The following ASAP1 variants were observed in gnomAD, a reference collection of about 807,000 sequenced individuals.
ASAP1 encodes ArfGAP with SH3 domain, ankyrin repeat and PH domain 1.
In ASAP1, 43 loss-of-function variants were observed where a neutral mutation model predicts 145.2. The ratio of observed to expected loss-of-function variants is 0.30; its 90% CI spans 0.23 to 0.38. The LOEUF is 0.38. Among genes scored for constraint, ASAP1 ranks in the 10% least tolerant of loss-of-function variants. The pLI, the probability that ASAP1 is intolerant of heterozygous loss-of-function variation, is 1.00. For synonymous variants in ASAP1, 546 were observed against 515.5 expected (o/e 1.06, Z -0.80); for missense variants, 1,018 against 1,355.3 (o/e 0.75, Z 3.91).
intron 3 of ASAP1, among the ~76,000 whole-genome samples, chr8:130,259,863 G>C (rs993693395): frequency 1.3e-5 from 2 of 152,158 alleles, no homozygotes; most frequent in Admixed American, 1.3e-4. Flanking sequence ...TGTGGATAAT[G>C]CTCATGAGGA....
chr8:130,096,473 T>G (rs937699256), intron 24 of ASAP1, among the ~76,000 whole-genome samples: 1 of 152,166 alleles, frequency 6.6e-6, no homozygotes, highest in Non-Finnish European at 1.5e-5. Context: ...CAGAGGCCTG[T>G]GGAAGTAACA....
intron 2 of ASAP1, among the ~76,000 whole-genome samples, chr8:130,371,390 G>A (rs1477505405): frequency 6.6e-6 from 1 of 152,132 alleles, no homozygotes; most frequent in African/African-American, 2.4e-5. Context: ...TGATGTGGCA[G>A]GACTACCAGT....
chr8:130,376,903 C>CA (rs34006260), intron 2 of ASAP1, among the ~76,000 whole-genome samples: 2,884 of 25,990 alleles, frequency 0.11, 937 homozygotes, highest in South Asian at 0.22. Flanking sequence ...AACTCCATCT[C>CA]AAAAAAAAAA....
intron 13 of ASAP1, among the ~76,000 whole-genome samples, chr8:130,138,370 G>A (rs6991382): frequency 0.017 from 2,568 of 152,196 alleles, 78 homozygotes; most frequent in African/African-American, 0.058. Context: ...GAGACCCCAG[G>A]GGATTCCATG....
At chr8:130,074,233 T>C (rs1282672942) in intron 27 of ASAP1, among the ~76,000 whole-genome samples, 1 of 152,086 alleles carries the variant, frequency 6.6e-6, no homozygotes, top group Non-Finnish European at 1.5e-5. Flanking sequence ...GTAATAGAAT[T>C]GCGTATGTAT....
At chr8:130,394,412 C>T (rs1252759425) in intron 2 of ASAP1, among the ~76,000 whole-genome samples, 3 of 152,090 alleles carry the variant, frequency 2.0e-5, no homozygotes, top group Non-Finnish European at 2.9e-5. Flanking sequence ...AGGAAATTCC[C>T]GCCTAATAAA....
At chr8:130,269,808 A>G (rs1318159236) in intron 3 of ASAP1, among the ~76,000 whole-genome samples, 2 of 152,210 alleles carry the variant, frequency 1.3e-5, no homozygotes, top group Non-Finnish European at 2.9e-5. Flanking sequence ...TGGTACCTGC[A>G]TTAGATAAAT....
chr8:130,072,824 T>TGTGTGTGTGTGTGTGTGCGTGCGC, intron 27 of ASAP1, among the ~76,000 whole-genome samples: 3 of 32,282 alleles, frequency 9.3e-5, no homozygotes, highest in Non-Finnish European at 1.7e-4. Flanking sequence ...TGTGTGTGTG[T>TGTGTGTGTGTGTGTGTGCGTGCGC]GCGCGCGGGG....
chr8:130,091,166 C>CA (rs370293242), intron 25 of ASAP1, among the ~76,000 whole-genome samples: 68 of 152,316 alleles, frequency 4.5e-4, no homozygotes, highest in African/African-American at 1.5e-3. Flanking sequence ...CCTGAATATT[C>CA]ACTGTATGCC....
In ASAP1 at chr8:130,228,768, T is replaced by C. The variant is rs545960296; in HGVS notation, c.259+8154A>G. 4.0e-5 allele frequency among the ~76,000 whole-genome samples: 6 copies of C among 149,294 alleles called. No individual in the cohort carries two copies. The East Asian group carries it at 1.2e-3, about 29-fold the overall frequency. On this transcript the variant is annotated intron_variant, in intron 4 of 29. Transcript: ENST00000518721. The stretch of plus-strand genomic sequence containing the variant: ...ACAAAAAAACCTTTAACTTGAAAAA[T>C]ATATAAACAATGGGAAAAAACCTTT...
chr8:130,151,298 G>A (rs2097645667), intron 13 of ASAP1, among the ~76,000 whole-genome samples: 1 of 140,580 alleles, frequency 7.1e-6, no homozygotes. Context: ...TTGAACCTGG[G>A]AGATGGAGGT....
chr8:130,421,023 C>T (rs7460858), intron 1 of ASAP1, among the ~76,000 whole-genome samples: 2,808 of 152,216 alleles, frequency 0.018, 135 homozygotes, highest in Admixed American at 0.11. Flanking sequence ...ACAGTATAGC[C>T]ACTAAGCAGG....
chr8:130,299,500 TC>T (rs1822492123), intron 3 of ASAP1, among the ~76,000 whole-genome samples: 1 of 152,162 alleles, frequency 6.6e-6, no homozygotes, highest in African/African-American at 2.4e-5. Context: ...CTCATCCTCA[TC>T]CCCTTTTTAA....
chr8:130,213,662 G>T (rs1285881796), intron 5 of ASAP1, among the ~76,000 whole-genome samples: 1 of 152,200 alleles, frequency 6.6e-6, no homozygotes, highest in Non-Finnish European at 1.5e-5. Context: ...GGAAAAGCAT[G>T]ATATAAATAG....
chr8:130,370,838 T>G (rs1189705000), intron 2 of ASAP1, among the ~76,000 whole-genome samples: 1 of 152,226 alleles, frequency 6.6e-6, no homozygotes, highest in Non-Finnish European at 1.5e-5. Flanking sequence ...AGGTCCAGAC[T>G]AGGCAAATCT....
intron 2 of ASAP1, among the ~76,000 whole-genome samples, chr8:130,362,127 A>G (rs1826745181): frequency 6.6e-6 from 1 of 152,154 alleles, no homozygotes; most frequent in African/African-American, 2.4e-5. Flanking sequence ...ACTTGCCATC[A>G]GGGAATTGGC....
chr8:130,314,839 G>A (rs1318805889), intron 3 of ASAP1, among the ~76,000 whole-genome samples: 4 of 152,314 alleles, frequency 2.6e-5, no homozygotes, highest in Admixed American at 6.5e-5. Flanking sequence ...ACAGCAGACT[G>A]ACCACTTTAA....
intron 25 of ASAP1, chr8:130,083,259 G>A (rs1006465690): frequency 3.3e-5 from 5 of 152,186 alleles, no homozygotes; most frequent in Non-Finnish European, 5.9e-5. Flanking sequence ...TCCAAAGATG[G>A]TGTGAGTTTT....
intron 4 of ASAP1, among the ~76,000 whole-genome samples, chr8:130,235,088 TG>T (rs972114438): frequency 3.9e-5 from 6 of 152,160 alleles, no homozygotes; most frequent in Admixed American, 3.3e-4. Flanking sequence ...GTAAGACTCC[TG>T]GAAGTTAAAT....
Sources: allele counts gnomAD v4.1 joint callset (sites outside exome capture counted in the v4.1 genomes callset), GRCh38; gene constraint gnomAD v4.1.1; transcripts MANE v1.5; gene names NCBI Gene and HGNC (gene_info 2026-07-23, HGNC 2026-07-21).